ERICH1: variants seen among roughly 807,000 people sequenced by gnomAD.
The protein encoded by ERICH1 is glutamate rich 1.
A neutral mutation model predicts 39.6 loss-of-function variants in ERICH1; 56 were observed. The ratio of observed to expected loss-of-function variants is 1.41; its 90% CI spans 1.14 to 1.77. The LOEUF (loss-of-function observed/expected upper bound fraction) is 1.77, where lower values mean the gene tolerates loss of function less well. ERICH1 is among the 40% of genes most tolerant of loss of function. The pLI, the probability that ERICH1 is intolerant of heterozygous loss-of-function variation, is 0.00. For missense variants in ERICH1, 826 were observed against 575.4 expected (o/e 1.44, Z -4.45); for synonymous variants, 313 against 223.6 (o/e 1.40, Z -3.57).
At chr8:637,309 G>C (rs1310880563) in intron 3 of ERICH1, among the ~76,000 whole-genome samples, 1 of 152,228 alleles carries the variant, frequency 6.6e-6, no homozygotes, top group Non-Finnish European at 1.5e-5. Context: ...TGGGACCTCA[G>C]TGGCCTGAGT....
intron 3 of ERICH1, chr8:626,430 G>C (rs62486186): frequency 0.22 from 34,089 of 152,098 alleles, 5,207 homozygotes; most frequent in African/African-American, 0.42. Flanking sequence ...TGGGGTCATT[G>C]TGAGTGGGTT....
chr8:653,127 G>A (rs1161421361), intron 3 of ERICH1, among the ~76,000 whole-genome samples: 1 of 152,182 alleles, frequency 6.6e-6, no homozygotes, highest in Non-Finnish European at 1.5e-5. Flanking sequence ...CTGAAAGCTG[G>A]AACTCAACAG....
At chr8:691,832 A>T (rs1808971503) in intron 3 of ERICH1, among the ~76,000 whole-genome samples, 2 of 152,354 alleles carry the variant, frequency 1.3e-5, no homozygotes, top group African/African-American at 4.8e-5. Context: ...ATCTAGGTAC[A>T]ACTTTTATTT....
At chr8:716,106 C>T (rs1815927275) in intron 1 of ERICH1, 99 bp from the exon 2 acceptor site, 1 of 1,403,766 alleles carries the variant, frequency 7.1e-7, no homozygotes, top group Non-Finnish European at 9.5e-7. Context: ...ACACACACAT[C>T]CTGAAAGCAC....
intron 3 of ERICH1, among the ~76,000 whole-genome samples, chr8:639,252 T>C (rs188484856): frequency 7.9e-5 from 12 of 152,154 alleles, no homozygotes; most frequent in Admixed American, 4.6e-4. Flanking sequence ...ACTGAGGTCC[T>C]TGTGACCCCA....
At chr8:695,100 G>T (rs1809837197) in intron 2 of ERICH1, among the ~76,000 whole-genome samples, 1 of 142,718 alleles carries the variant, frequency 7.0e-6, no homozygotes, top group Non-Finnish European at 1.6e-5. Context: ...CTCTTCGCAG[G>T]TGTCATTGAC....
At chr8:634,645 G>A (rs907140303) in intron 3 of ERICH1, among the ~76,000 whole-genome samples, 1 of 152,146 alleles carries the variant, frequency 6.6e-6, no homozygotes, top group Non-Finnish European at 1.5e-5. Context: ...AGCTGGCGGA[G>A]CAGCCGGACC....
chr8:630,409 C>T (rs1251792778), intron 3 of ERICH1, among the ~76,000 whole-genome samples: 3 of 144,144 alleles, frequency 2.1e-5, no homozygotes, highest in African/African-American at 5.1e-5. Context: ...TGACTCACAC[C>T]CTCCTGTGAC....
chr8:675,053 G>C lies in ERICH1; in HGVS notation c.305-1006C>G, dbSNP rs1703916. On this transcript the variant is annotated intron_variant, in intron 3 of 5. Transcript: ENST00000262109. The stretch of plus-strand genomic sequence containing the variant: ...GGCTTGAAACGGGCGGCTGGGGAGA[G>C]GGTGGGCAGGAAGCACCATGGATAA... 6.4e-3 allele frequency among the ~76,000 whole-genome samples: 950 copies of C among 149,450 alleles called. 34 individuals are homozygous for C. The highest frequency in any genetic ancestry group is 0.023 in the African/African-American group (904 of 38,908).
chr8:653,784 G>T (rs533292115), intron 3 of ERICH1, among the ~76,000 whole-genome samples: 103 of 152,016 alleles, frequency 6.8e-4, no homozygotes, highest in Non-Finnish European at 1.1e-3. Flanking sequence ...GACGAATCCC[G>T]CAGGGTGGCA....
chr8:641,094 T>G (rs1257442490), intron 3 of ERICH1: 1 of 152,210 alleles, frequency 6.6e-6, no homozygotes, highest in Non-Finnish European at 1.5e-5. Flanking sequence ...AGCTTCTCAC[T>G]TCTGGAGGTG....
intron 2 of ERICH1, among the ~76,000 whole-genome samples, chr8:707,362 C>T (rs572226604): frequency 7.2e-5 from 11 of 152,166 alleles, no homozygotes; most frequent in African/African-American, 1.2e-4. Context: ...TACCTGCCAC[C>T]ATGCCTGAAT....
chr8:727,444 G>A (rs1447524520), intron 1 of ERICH1, among the ~76,000 whole-genome samples: 2 of 152,220 alleles, frequency 1.3e-5, no homozygotes, highest in African/African-American at 2.4e-5. Context: ...TGAACAGGAA[G>A]TGTGACTGCT....
At chr8:700,933 G>A (rs1811967251) in intron 2 of ERICH1, among the ~76,000 whole-genome samples, 1 of 152,252 alleles carries the variant, frequency 6.6e-6, no homozygotes, top group Non-Finnish European at 1.5e-5. Flanking sequence ...CTCAAGACAA[G>A]GGCAATCTGG....
intron 2 of ERICH1, among the ~76,000 whole-genome samples, chr8:707,255 T>G (rs1161369742): frequency 2.0e-5 from 3 of 149,040 alleles, no homozygotes; most frequent in Non-Finnish European, 4.4e-5. Context: ...TCACCCAGGC[T>G]GGAGTGCAAT....
chr8:684,379 T>A (rs1280674863), intron 3 of ERICH1, among the ~76,000 whole-genome samples: 1 of 152,154 alleles, frequency 6.6e-6, no homozygotes, highest in African/African-American at 2.4e-5. Flanking sequence ...AAAATTTAAA[T>A]AGTAAATTTA....
chr8:657,822 A>T (rs1409955907), intron 3 of ERICH1, among the ~76,000 whole-genome samples: 7 of 152,184 alleles, frequency 4.6e-5, no homozygotes, highest in African/African-American at 7.2e-5. Flanking sequence ...GGAAGATCCC[A>T]GATGCTGTTG....
intron 2 of ERICH1, among the ~76,000 whole-genome samples, chr8:702,519 A>G (rs1460385560): frequency 6.6e-6 from 1 of 152,178 alleles, no homozygotes; most frequent in East Asian, 1.9e-4. Flanking sequence ...GGCACCTCCC[A>G]CCTCCAGCCA....
intron 3 of ERICH1, among the ~76,000 whole-genome samples, chr8:643,644 T>C (rs1300506579): frequency 1.3e-5 from 2 of 152,086 alleles, no homozygotes; most frequent in African/African-American, 2.4e-5. Flanking sequence ...TTGGTGTTCA[T>C]GTCTGTGTCT....
Sources: allele counts gnomAD v4.1 joint callset (sites outside exome capture counted in the v4.1 genomes callset), GRCh38; gene constraint gnomAD v4.1.1; transcripts MANE v1.5; gene names NCBI Gene and HGNC (gene_info 2026-07-23, HGNC 2026-07-21).